The following TFCP2 variants were observed in gnomAD, a reference collection of about 807,000 sequenced individuals.
The protein encoded by TFCP2 is transcription factor CP2, also known as alpha-globin transcription factor CP2.
A neutral mutation model predicts 73.4 loss-of-function variants in TFCP2; 33 were observed. The observed-to-expected ratio is 0.45, with a 90% CI of 0.34 to 0.60. The LOEUF is 0.60. Ranked by LOEUF, TFCP2 falls within the 20% of genes least tolerant of loss-of-function variation. The pLI is 0.01. For missense variants in TFCP2, 352 were observed against 604.0 expected (o/e 0.58, Z 4.37); for synonymous variants, 193 against 211.6 (o/e 0.91, Z 0.76).
chr12:51,099,868 G>T, intron 11 of TFCP2, 89 bp from the exon 12 acceptor site: 1 of 1,470,202 alleles, frequency 6.8e-7, no homozygotes, highest in South Asian at 1.4e-5. Context: ...TACATTAATC[G>T]TATAGAGCAG....
At chr12:51,132,414 G>A (rs1461499402) in intron 1 of TFCP2, among the ~76,000 whole-genome samples, 1 of 114,702 alleles carries the variant, frequency 8.7e-6, no homozygotes, top group African/African-American at 3.2e-5. Context: ...TATCACCCAG[G>A]CTAAAGTGCA....
intron 6 of TFCP2, among the ~76,000 whole-genome samples, chr12:51,108,008 G>C (rs1285972106): frequency 6.6e-6 from 1 of 151,976 alleles, no homozygotes; most frequent in African/African-American, 2.4e-5. Context: ...AGAAGAGCTG[G>C]GCGCAGTGGC....
chr12:51,169,107 G>A (rs985670347), intron 1 of TFCP2, among the ~76,000 whole-genome samples: 1 of 152,020 alleles, frequency 6.6e-6, no homozygotes, highest in African/African-American at 2.4e-5. Flanking sequence ...TGGTCCCCAA[G>A]TGTATTTTTA....
At chr12:51,124,210 C>T (rs1028247660) in intron 1 of TFCP2, among the ~76,000 whole-genome samples, 2 of 152,056 alleles carry the variant, frequency 1.3e-5, no homozygotes, top group Non-Finnish European at 2.9e-5. Flanking sequence ...ATCCTCCAGC[C>T]TCAGCCTCCC....
At chr12:51,119,423 A>G (rs1213062250) in intron 1 of TFCP2, among the ~76,000 whole-genome samples, 1 of 152,230 alleles carries the variant, frequency 6.6e-6, no homozygotes, top group Non-Finnish European at 1.5e-5. Flanking sequence ...ATGACATAAA[A>G]CAGTTTAGGA....
At chr12:51,127,925 CT>C (rs11421627) in intron 1 of TFCP2, among the ~76,000 whole-genome samples, 8 of 146,290 alleles carry the variant, frequency 5.5e-5, no homozygotes, top group Admixed American at 6.8e-5. Context: ...ATTTTCTTTT[CT>C]TTTTTTTTTT....
At chr12:51,139,962 C>T (rs925258944) in intron 1 of TFCP2, among the ~76,000 whole-genome samples, 1 of 152,232 alleles carries the variant, frequency 6.6e-6, no homozygotes, top group African/African-American at 2.4e-5. Context: ...TGAGTTTATT[C>T]ATTCATTCAA....
rs1396708923 is a variant in TFCP2 at position 51,118,723 on chromosome 12, G to A, written c.172C>T (p.Pro58Ser). ...IFKQEESSLP[P>S]DNENKILPFQ... The stretch of plus-strand genomic sequence containing the variant: ...GGCAGGATTTTATTCTCATTATCAG[G>A]AGGCAAACTCGACTCTTCTTGCTTA... The change falls in exon 2 of 15, where the codon CCT becomes TCT. Residue 58 changes from proline to serine, a missense_variant. By Grantham distance (74) the Pro-to-Ser change is moderately conservative. This residue lies in a region of TFCP2 where 76 missense variants were observed against 163.2 expected (regional missense o/e 0.47). Transcript: ENST00000257915. The A allele has an allele frequency of 1.2e-6, 2 of 1,614,130 alleles. No individual in the cohort carries two copies. Among genetic ancestry groups the A allele is most frequent in the African/African-American group, 2.7e-5 (2 of 75,030 alleles).
chr12:51,128,677 TA>T (rs1940870066), intron 1 of TFCP2, among the ~76,000 whole-genome samples: 1 of 152,156 alleles, frequency 6.6e-6, no homozygotes, highest in Admixed American at 6.6e-5. Context: ...TTTTTTAACT[TA>T]AAAGTTAAGT....
intron 1 of TFCP2, among the ~76,000 whole-genome samples, chr12:51,149,828 T>C (rs752603742): frequency 1.5e-4 from 23 of 152,120 alleles, no homozygotes; most frequent in Non-Finnish European, 2.6e-4. Context: ...CTAGAACTCC[T>C]GGCCTCAGGT....
Position 51,094,947 on chromosome 12 carries a change from C to A in TFCP2, c.*294G>T, listed in dbSNP as rs1939918910. ...ACACAATTCCCATCATCATTATGCC[C>A]TACATACACTCTAAATTATGTAGAG... On this transcript the variant is annotated 3_prime_UTR_variant, in exon 15 of 15. Transcript: ENST00000257915. 4.7e-6 allele frequency: 2 copies of A among 429,252 alleles called. No homozygotes were observed. Among genetic ancestry groups the A allele is most frequent in the East Asian group, 3.6e-5 (1 of 27,400 alleles). 26.6% of individuals were successfully genotyped at this position (429,252 alleles called of 1,614,324 possible).
intron 1 of TFCP2, among the ~76,000 whole-genome samples, chr12:51,163,288 T>C (rs988149539): frequency 7.9e-5 from 12 of 152,008 alleles, no homozygotes; most frequent in African/African-American, 1.2e-4. Context: ...AGACCCTGTC[T>C]TAAAAAATAA....
chr12:51,155,529 C>A (rs1390556468), intron 1 of TFCP2, among the ~76,000 whole-genome samples: 1 of 152,178 alleles, frequency 6.6e-6, no homozygotes, highest in Non-Finnish European at 1.5e-5. Context: ...CCAATTTTTC[C>A]ATGTCCTTCC....
intron 1 of TFCP2, among the ~76,000 whole-genome samples, chr12:51,145,062 A>G (rs535579158): frequency 1.3e-5 from 2 of 152,046 alleles, no homozygotes; most frequent in Admixed American, 1.3e-4. Flanking sequence ...TTAGCTGGGC[A>G]TGGTGGTGGG....
intron 4 of TFCP2, among the ~76,000 whole-genome samples, chr12:51,113,240 T>A (rs1940444261): frequency 6.6e-6 from 1 of 152,228 alleles, no homozygotes; most frequent in South Asian, 2.1e-4. Flanking sequence ...ACCAATGTTT[T>A]CTCAGGTAAA....
At chr12:51,143,475 TAGAGG>T (rs1941230299) in intron 1 of TFCP2, among the ~76,000 whole-genome samples, 1 of 151,454 alleles carries the variant, frequency 6.6e-6, no homozygotes, top group Non-Finnish European at 1.5e-5. Flanking sequence ...TTCTCTTCAG[TAGAGG>T]ATAGAAATTT....
intron 1 of TFCP2, among the ~76,000 whole-genome samples, chr12:51,167,257 T>C (rs1323936856): frequency 1.3e-5 from 2 of 152,174 alleles, no homozygotes; most frequent in African/African-American, 2.4e-5. Context: ...ATTAATAGAT[T>C]TGAAGATGAA....
rs368078706 is a variant in TFCP2 at position 51,102,937 on chromosome 12, T to C, written c.1060+733A>G. 1.2e-4 allele frequency among the ~76,000 whole-genome samples: 18 copies of C among 151,988 alleles called. No homozygotes were observed. In the East Asian group the frequency reaches 3.5e-3, roughly 29 times the overall value. Reference sequence around the variant, plus strand: ...TTTGGATACCAGATGATTAATGGGCTATTTGATCAGGAAGTATGCCTCATC... The same window carrying C: ...TTTGGATACCAGATGATTAATGGGCCATTTGATCAGGAAGTATGCCTCATC... On this transcript the variant is annotated intron_variant, in intron 10 of 14. Transcript: ENST00000257915.
rs1940177638 is a variant in TFCP2, at chr12:51,104,264, A to T, written c.918-61T>A. The T allele has an allele frequency of 5.7e-6, 8 of 1,400,980 alleles. No homozygotes were observed. The South Asian group carries it at 8.6e-5, about 15-fold the overall frequency. 86.8% of individuals were successfully genotyped at this position (1,400,980 alleles called of 1,614,324 possible). A position where few individuals can be genotyped will look rare whatever the true frequency, so the allele number is the denominator to read the frequency against. On this transcript the variant is annotated intron_variant, in intron 8 of 14. Transcript: ENST00000257915. ...GACACATGCTGGGGCTCATTATTTC[A>T]TTCCTCAGCTTCACAATAAATCTCA...
Sources: allele counts gnomAD v4.1 joint callset (sites outside exome capture counted in the v4.1 genomes callset), GRCh38; gene constraint gnomAD v4.1.1; regional missense constraint gnomAD v4.1.1; transcripts MANE v1.5; gene names NCBI Gene and HGNC (gene_info 2026-07-23, HGNC 2026-07-21).